MYBL1: variants seen among roughly 807,000 people sequenced by gnomAD.
MYBL1 encodes MYB proto-oncogene like 1.
A neutral mutation model predicts 96.3 loss-of-function variants in MYBL1; 17 were observed. The ratio of observed to expected loss-of-function variants is 0.18; its 90% CI spans 0.12 to 0.26. MYBL1 has a LOEUF of 0.26. Among genes scored for constraint, MYBL1 ranks in the 10% least tolerant of loss-of-function variants. The pLI, the probability that MYBL1 is intolerant of heterozygous loss-of-function variation, is 1.00. For missense variants in MYBL1, 701 were observed against 882.9 expected, an observed-to-expected ratio of 0.79 and a Z score of 2.61; for synonymous variants, 282 against 292.7, an observed-to-expected ratio of 0.96 and a Z score of 0.37.
Position 66,566,865 on chromosome 8 carries a change from TAGA to T in MYBL1, c.1845+8_1845+10del, listed in dbSNP as rs763143750. 3.1e-6 allele frequency: 5 copies of T among 1,596,268 alleles called. No homozygotes were observed. In the East Asian group the frequency reaches 8.9e-5, roughly 29 times the overall value. ...ATAAGACTTTTATTAACAATAATACTAGAAGATTACCTCTTGTTTGCAGCTTTT... is the reference window on the plus strand; with the variant it reads ...ATAAGACTTTTATTAACAATAATACTAGATTACCTCTTGTTTGCAGCTTTT... On this transcript the variant is annotated splice_region_variant and intron_variant, in intron 13 of 15. Transcript: ENST00000522677.
intron 1 of MYBL1, among the ~76,000 whole-genome samples, chr8:66,603,046 G>A (rs145133596): frequency 5.3e-5 from 8 of 151,878 alleles, no homozygotes; most frequent in African/African-American, 1.4e-4. Context: ...CACCTGGCCT[G>A]GAACTATACT....
At chr8:66,565,715 C>T (rs1182631883) in intron 15 of MYBL1, among the ~76,000 whole-genome samples, 4 of 152,088 alleles carry the variant, frequency 2.6e-5, no homozygotes, top group African/African-American at 9.7e-5. Context: ...GCTGAAACTG[C>T]TTCCAACCAC....
intron 1 of MYBL1, among the ~76,000 whole-genome samples, chr8:66,604,627 T>G (rs1240758147): frequency 1.3e-5 from 2 of 152,158 alleles, no homozygotes; most frequent in African/African-American, 4.8e-5. Context: ...AAAAGAAGTC[T>G]ACTTTTCATA....
intron 1 of MYBL1, among the ~76,000 whole-genome samples, chr8:66,608,219 G>A (rs1810396677): frequency 6.6e-6 from 1 of 152,036 alleles, no homozygotes; most frequent in Admixed American, 6.6e-5. Flanking sequence ...ATACTTTATT[G>A]TGAGAAATTT....
At chr8:66,579,937 T>C (rs1809131899) in intron 9 of MYBL1, among the ~76,000 whole-genome samples, 196 bp downstream of exon 9, 1 of 152,150 alleles carries the variant, frequency 6.6e-6, no homozygotes, top group African/African-American at 2.4e-5. Context: ...GTTTTTAATT[T>C]TTAAAAATTC....
At chr8:66,599,210 T>C in intron 3 of MYBL1, 68 bp from the exon 4 acceptor site, 1 of 999,466 alleles carries the variant, frequency 1.0e-6, no homozygotes, top group South Asian at 1.7e-5. Flanking sequence ...CCCGAATTTA[T>C]GTCTCACATC....
At chr8:66,588,006 G>A (rs971509247) in intron 8 of MYBL1, among the ~76,000 whole-genome samples, 5 of 152,054 alleles carry the variant, frequency 3.3e-5, no homozygotes, top group Admixed American at 6.6e-5. Context: ...AAGCAAATTC[G>A]ATGTGTTTTA....
intron 5 of MYBL1, among the ~76,000 whole-genome samples, chr8:66,596,616 A>G (rs952360202): frequency 6.6e-6 from 1 of 152,186 alleles, no homozygotes; most frequent in African/African-American, 2.4e-5. Context: ...ATACTTTCCA[A>G]GTCTATAAAA....
intron 6 of MYBL1, 44 bp from the exon 7 acceptor site, chr8:66,593,238 A>G: frequency 8.0e-7 from 1 of 1,249,368 alleles, no homozygotes; most frequent in Non-Finnish European, 1.1e-6. Flanking sequence ...ATAATGCTAT[A>G]AATGTTGAAA....
At chr8:66,597,667 TA>T (rs199924475) in intron 4 of MYBL1, 117 bp from the exon 5 acceptor site, 316 of 657,096 alleles carry the variant, frequency 4.8e-4, no homozygotes, top group Non-Finnish European at 5.3e-4. Flanking sequence ...TACAATTTGT[TA>T]AAAAAAAATT....
At chr8:66,584,354 A>C (rs1411882715) in intron 8 of MYBL1, among the ~76,000 whole-genome samples, 1 of 152,220 alleles carries the variant, frequency 6.6e-6, no homozygotes, top group Non-Finnish European at 1.5e-5. Context: ...TCAACACAGT[A>C]CTGGAAGTCC....
chr8:66,609,999 C>G (rs1319846146), intron 1 of MYBL1, among the ~76,000 whole-genome samples: 2 of 151,968 alleles, frequency 1.3e-5, no homozygotes, highest in African/African-American at 4.8e-5. Context: ...CAAAAAACAT[C>G]TTCTATTTCA....
chr8:66,580,151 A>C lies in MYBL1; in HGVS notation c.1083T>G (p.Thr361=), dbSNP rs1422755814. The C allele has an allele frequency of 6.2e-7, 1 of 1,612,598 alleles. No homozygotes were observed. The highest frequency in any genetic ancestry group is 2.2e-5 in the East Asian group (1 of 44,878). ...SLQTIPEFAE[T]LELIESDPVA... is the part of the protein sequence containing the mutation. ...TACTTACAGATTCAATAAGTTCTAG[A>C]GTCTCTGCAAATTCTGGGATGGTCT... Residue 361 remains threonine, a synonymous_variant, in exon 9 of 16, where the codon ACT becomes ACG. Coordinates refer to ENST00000522677, the MANE Select transcript of MYBL1 (RefSeq NM_001080416.4).
intron 9 of MYBL1, among the ~76,000 whole-genome samples, chr8:66,576,752 C>T (rs776410828): frequency 2.0e-5 from 3 of 152,104 alleles, no homozygotes; most frequent in Non-Finnish European, 4.4e-5. Flanking sequence ...GTGTATGGAA[C>T]GTGTTAAAAA....
intron 9 of MYBL1, among the ~76,000 whole-genome samples, chr8:66,578,174 G>A (rs1309371199): frequency 3.9e-5 from 6 of 151,968 alleles, no homozygotes; most frequent in African/African-American, 1.5e-4. Flanking sequence ...GCATGGACAA[G>A]GACTTCATGT....
intron 7 of MYBL1, 48 bp from the exon 8 acceptor site, chr8:66,592,592 T>C: frequency 9.2e-7 from 1 of 1,085,230 alleles, no homozygotes; most frequent in Non-Finnish European, 1.3e-6. Context: ...ATATAATTGC[T>C]TTATTATTAG....
At chr8:66,610,541 T>C (rs1810487910) in intron 1 of MYBL1, among the ~76,000 whole-genome samples, 1 of 152,092 alleles carries the variant, frequency 6.6e-6, no homozygotes, top group South Asian at 2.1e-4. Context: ...GATCTCAAAT[T>C]ACAACTTGAA....
chr8:66,567,681 T>A (rs1404813750), intron 12 of MYBL1, among the ~76,000 whole-genome samples: 2 of 152,244 alleles, frequency 1.3e-5, no homozygotes, highest in East Asian at 3.9e-4. Context: ...AGAAAAAATT[T>A]AAAAATTATA....
chr8:66,566,122 G>A lies in MYBL1; in HGVS notation c.2072C>T (p.Thr691Ile), dbSNP rs1442101794. Residue 691 changes from threonine (T) to isoleucine (I), a missense_variant, in exon 15 of 16, where the codon ACT (threonine) becomes ATT (isoleucine). Coordinates refer to ENST00000522677, the MANE Select transcript of MYBL1 (RefSeq NM_001080416.4). ...INSTNKTYTL[T>I]KKKPNPNTSK... ...AGTGTTAGGGTTTGGTTTCTTTTTA[G>A]TAAGTGTATATGTTTTGTTGGTTGA... 6.5e-7 allele frequency: 1 copy of A among 1,543,768 alleles called. No individual in the cohort carries two copies. The highest frequency in any genetic ancestry group is 8.8e-7 in the Non-Finnish European group (1 of 1,140,886).
Sources: gnomAD v4.1 joint callset for allele counts (sites outside exome capture counted in the v4.1 genomes callset) on GRCh38, gnomAD v4.1.1 for gene constraint, MANE v1.5 for transcripts, NCBI Gene and HGNC (gene_info 2026-07-23, HGNC 2026-07-21) for gene names.